The following EIF4B variants were observed in gnomAD, a reference collection of about 807,000 sequenced individuals.
EIF4B encodes the protein eukaryotic translation initiation factor 4B.
A neutral mutation model predicts 79.3 loss-of-function variants in EIF4B; 8 were observed. That is an observed-to-expected ratio of 0.10 (90% confidence interval 0.06 to 0.18). The LOEUF (loss-of-function observed/expected upper bound fraction) is 0.18, where lower values mean the gene tolerates loss of function less well. Among genes scored for constraint, EIF4B ranks in the 10% least tolerant of loss-of-function variants. The pLI is 1.00. For missense variants in EIF4B, 515 were observed against 792.4 expected, an observed-to-expected ratio of 0.65 and a Z score of 4.20; for synonymous variants, 238 against 274.7, an observed-to-expected ratio of 0.87 and a Z score of 1.32.
intron 4 of EIF4B, among the ~76,000 whole-genome samples, chr12:53,020,796 T>C (rs1037056753): frequency 6.6e-6 from 1 of 152,170 alleles, no homozygotes; most frequent in Non-Finnish European, 1.5e-5. Context: ...AGATAAAAAT[T>C]AATGTACTTA....
chr12:53,024,466 G>T (rs544070813), intron 6 of EIF4B, among the ~76,000 whole-genome samples: 27 of 152,160 alleles, frequency 1.8e-4, no homozygotes, highest in African/African-American at 5.5e-4. Context: ...TGTTGGTGGG[G>T]ATAGGGAAAA....
chr12:53,028,915 C>G (rs1172817026), intron 8 of EIF4B, among the ~76,000 whole-genome samples: 2 of 151,988 alleles, frequency 1.3e-5, no homozygotes, highest in African/African-American at 4.8e-5. Context: ...CATTTGAGGT[C>G]AAGAGTTCGA....
At chr12:53,031,573 G>A (rs559700255) in intron 8 of EIF4B, among the ~76,000 whole-genome samples, 16 of 152,258 alleles carry the variant, frequency 1.1e-4, no homozygotes, top group African/African-American at 3.4e-4. Flanking sequence ...CACTGTGCCC[G>A]GCTGCGTTCT....
At chr12:53,006,521 A>C (rs1592209806) in intron 1 of EIF4B, 25 bp downstream of exon 1, 1 of 1,613,436 alleles carries the variant, frequency 6.2e-7, no homozygotes, top group South Asian at 1.1e-5. Flanking sequence ...GAGCGCGGCC[A>C]AGGACTGGGC....
chr12:53,013,437 G>A (rs939364389), intron 1 of EIF4B: 31 of 152,340 alleles, frequency 2.0e-4, no homozygotes, highest in African/African-American at 7.2e-4. Flanking sequence ...CCCACGCACT[G>A]TAAGTGGTTT....
chr12:53,026,987 G>A (rs1302931471), intron 6 of EIF4B, among the ~76,000 whole-genome samples: 1 of 151,850 alleles, frequency 6.6e-6, no homozygotes, highest in Non-Finnish European at 1.5e-5. Context: ...CATTTTGTTT[G>A]CCTCTTAAAG....
chr12:53,041,438 C>T lies in EIF4B; in HGVS notation c.*1215C>T, dbSNP rs1387797266. 4 of 152,128 alleles carry T rather than the reference C, an allele frequency of 2.6e-5. No individual in the cohort carries two copies. The highest frequency in any genetic ancestry group is 5.9e-5 in the Non-Finnish European group (4 of 68,018). 9.4% of individuals were successfully genotyped at this position (152,128 alleles called of 1,614,324 possible). A position where few individuals can be genotyped will look rare whatever the true frequency, so the allele number is the denominator to read the frequency against. ...GGGATTTTTCCCCCCAAGTTTCCTTCTCCACTGAAATGCCACACTAATGCT... is the reference window on the plus strand; with the variant it reads ...GGGATTTTTCCCCCCAAGTTTCCTTTTCCACTGAAATGCCACACTAATGCT... On this transcript the variant is annotated 3_prime_UTR_variant, in exon 15 of 15. Coordinates refer to ENST00000262056, the MANE Select transcript of EIF4B (RefSeq NM_001417.7).
In EIF4B at chr12:53,019,977, A is replaced by G; in HGVS notation, c.428A>G (p.Glu143Gly). 6.2e-7 allele frequency: 1 copy of G among 1,612,746 alleles called. No homozygotes were observed. Among genetic ancestry groups the G allele is most frequent in the Non-Finnish European group, 8.5e-7 (1 of 1,179,650 alleles). ...PERLKGFGYA[E>G]FEDLDSLLSA... Reference sequence around the variant, plus strand: ...AGGTTGAAAGGTTTTGGTTATGCTGAATTTGAGGACCTGGATTCCCTGCTC... The same window carrying G: ...AGGTTGAAAGGTTTTGGTTATGCTGGATTTGAGGACCTGGATTCCCTGCTC... Residue 143 changes from glutamate to glycine, a missense_variant, in exon 4 of 15, where the codon GAA becomes GGA. Physicochemically the swap from Glu to Gly is moderately conservative, Grantham distance 98. Around this residue, in one of 6 missense-constraint regions of EIF4B, gnomAD observed 16 missense variants for 54.0 expected, o/e 0.30. Transcript: ENST00000262056.
chr12:53,029,395 C>T (rs1275066938), intron 8 of EIF4B, among the ~76,000 whole-genome samples: 5 of 132,216 alleles, frequency 3.8e-5, no homozygotes, highest in African/African-American at 1.4e-4. Flanking sequence ...TTTTTTGAGA[C>T]GGAGTCTTGC....
At position 53,012,644 on chromosome 12, in the gene EIF4B, A is replaced by C. The variant is rs1485404308; in HGVS notation, c.14-3829A>C. 2.4e-5 allele frequency among the ~76,000 whole-genome samples: 3 copies of C among 127,552 alleles called. No individual in the cohort carries two copies. In the East Asian group the frequency reaches 7.0e-4, roughly 30 times the overall value. 83.7% of individuals were successfully genotyped at this position (127,552 alleles called of 152,430 possible). A position where few individuals can be genotyped will look rare whatever the true frequency, so the allele number is the denominator to read the frequency against. On this transcript the variant is annotated intron_variant, in intron 1 of 14. Coordinates refer to ENST00000262056, the MANE Select transcript of EIF4B (RefSeq NM_001417.7). ...TGTGGGGGACGGAGTCTCGCTTTGTAGCCCAGGCTGGAGTGCAGTGGCACG... is the reference window on the plus strand; with the variant it reads ...TGTGGGGGACGGAGTCTCGCTTTGTCGCCCAGGCTGGAGTGCAGTGGCACG...
At chr12:53,018,595 T>C (rs1476871564) in intron 2 of EIF4B, among the ~76,000 whole-genome samples, 1 of 152,226 alleles carries the variant, frequency 6.6e-6, no homozygotes, top group Non-Finnish European at 1.5e-5. Context: ...AATATTTCTT[T>C]GCTTACATAA....
intron 2 of EIF4B, among the ~76,000 whole-genome samples, chr12:53,017,554 T>A (rs543936670): frequency 3.3e-5 from 5 of 152,298 alleles, no homozygotes; most frequent in Admixed American, 6.5e-5. Context: ...TATTGCATGC[T>A]GAAAGAATAT....
intron 4 of EIF4B, 31 bp downstream of exon 4, chr12:53,020,057 G>T: frequency 2.6e-6 from 4 of 1,539,586 alleles, no homozygotes; most frequent in Non-Finnish European, 3.5e-6. Flanking sequence ...GATATGAGGG[G>T]TGTAAGTTCA....
chr12:53,010,831 C>A (rs1352661726), intron 1 of EIF4B, among the ~76,000 whole-genome samples: 4 of 152,032 alleles, frequency 2.6e-5, no homozygotes, highest in Non-Finnish European at 4.4e-5. Context: ...CCTTGGCCTC[C>A]CGGAGTACTG....
At chr12:53,015,587 G>A (rs1943135269) in intron 1 of EIF4B, among the ~76,000 whole-genome samples, 1 of 151,950 alleles carries the variant, frequency 6.6e-6, no homozygotes. Flanking sequence ...GGAGGCTGTG[G>A]GAGGATCACA....
intron 4 of EIF4B, 50 bp downstream of exon 4, chr12:53,020,076 A>G: frequency 6.9e-7 from 1 of 1,449,160 alleles, no homozygotes; most frequent in South Asian, 1.3e-5. Flanking sequence ...CACAAATCTC[A>G]TGTTTATTGA....
intron 9 of EIF4B, 71 bp from the exon 10 acceptor site, chr12:53,034,541 G>A (rs1362945765): frequency 7.2e-7 from 1 of 1,397,840 alleles, no homozygotes; most frequent in Non-Finnish European, 1.0e-6. Context: ...GGTTCTTGAG[G>A]GGTCAGCATG....
chr12:53,034,838 TG>T, intron 10 of EIF4B, 129 bp downstream of exon 10: 1 of 941,440 alleles, frequency 1.1e-6, no homozygotes. Flanking sequence ...ATGGGCCGAT[TG>T]GAGTTTCATA....
chr12:53,025,426 A>G (rs542173387), intron 6 of EIF4B: 1 of 337,148 alleles, frequency 3.0e-6, no homozygotes, highest in African/African-American at 2.2e-5. Context: ...CTCCTGTCCC[A>G]AGCATTAGGC....
Sources: allele counts gnomAD v4.1 joint callset (sites outside exome capture counted in the v4.1 genomes callset), GRCh38; gene constraint gnomAD v4.1.1; regional missense constraint gnomAD v4.1.1; transcripts MANE v1.5; gene names NCBI Gene and HGNC (gene_info 2026-07-23, HGNC 2026-07-21).